PHACTR2: variants seen among roughly 807,000 people sequenced by gnomAD.
PHACTR2 encodes the protein phosphatase and actin regulator 2.
In PHACTR2, 30 loss-of-function variants were observed where a neutral mutation model predicts 76.0. The observed-to-expected ratio is 0.39, with a 90% CI of 0.30 to 0.54. The LOEUF (loss-of-function observed/expected upper bound fraction) is 0.54. Ranked by LOEUF, PHACTR2 falls within the 20% of genes least tolerant of loss-of-function variation. PHACTR2 has a pLI of 0.61. For missense variants in PHACTR2, 696 were observed against 781.1 expected (o/e 0.89, Z 1.30); for synonymous variants, 292 against 292.5 (o/e 1.00, Z 0.02).
chr6:143,649,513 C>G (rs1261476106), intron 1 of PHACTR2, among the ~76,000 whole-genome samples: 2 of 152,176 alleles, frequency 1.3e-5, no homozygotes, highest in East Asian at 3.8e-4. Flanking sequence ...TAGGCTTCAT[C>G]CTCAGGATGC....
At chr6:143,665,923 G>T (rs892764578) in intron 1 of PHACTR2, among the ~76,000 whole-genome samples, 1 of 152,120 alleles carries the variant, frequency 6.6e-6, no homozygotes, top group African/African-American at 2.4e-5. Flanking sequence ...TGCAGAATGT[G>T]CAGGTTTGTT....
rs999409175 is a variant in PHACTR2 at position 143,646,994 on chromosome 6, A to T, written c.13+38672A>T. ...TTGCTTCTAAAGAATTTTAAAATGTATTTTTAGCAAGGCTCTAAAGATTAA... is the reference window on the plus strand; with the variant it reads ...TTGCTTCTAAAGAATTTTAAAATGTTTTTTTAGCAAGGCTCTAAAGATTAA... On this transcript the variant is annotated intron_variant, in intron 1 of 11. Transcript: ENST00000305766. The surrounding 1 kb of genome is among the most constrained non-coding windows in gnomAD (Gnocchi z 4.1). 1.3e-5 allele frequency among the ~76,000 whole-genome samples: 2 copies of T among 152,206 alleles called. No individual in the cohort carries two copies. Among genetic ancestry groups the T allele is most frequent in the Admixed American group, 6.5e-5 (1 of 15,282 alleles).
chr6:143,776,275 G>T lies in PHACTR2; in HGVS notation c.1590-1053G>T, dbSNP rs1292574139. Among the ~76,000 whole-genome samples the T allele has an allele frequency of 6.6e-6, 1 of 152,098 alleles. No homozygotes were observed. On this transcript the variant is annotated intron_variant, in intron 8 of 12. Coordinates refer to ENST00000440869, the MANE Select transcript of PHACTR2 (RefSeq NM_001100164.2). This position sits in a 1 kb window ranked among gnomAD's most constrained non-coding sequence, Gnocchi z 5.3. ...TCACAATTATTTGTGGTGAAGAAAA[G>T]GTATAAATTGTAGGAAAGATATACT...
At position 143,756,453 on chromosome 6, in the gene PHACTR2, T is replaced by G. The variant is rs374845841; in HGVS notation, c.454+2541T>G. 6.0e-4 allele frequency among the ~76,000 whole-genome samples: 91 copies of G among 152,126 alleles called. No individual in the cohort carries two copies. In the East Asian group the frequency reaches 0.012, roughly 20 times the overall value. ...GCTCACGCCTGTAATCCCAGCACTT[T>G]GGGAGGCCGAGGCGGGCGGATCACG... On this transcript the variant is annotated intron_variant, in intron 4 of 12. Transcript: ENST00000440869.
chr6:143,644,031 A>G (rs755901011), intron 1 of PHACTR2, among the ~76,000 whole-genome samples: 5 of 152,224 alleles, frequency 3.3e-5, no homozygotes, highest in Admixed American at 6.5e-5. Context: ...TTAAAAAAGT[A>G]ACTCAACAGA....
In PHACTR2 at chr6:143,583,124, A is replaced by G. The variant is rs946015265; in HGVS notation, c.217+45917A>G. Among the ~76,000 whole-genome samples the G allele has an allele frequency of 2.6e-5, 4 of 152,232 alleles. No individual in the cohort carries two copies. The highest frequency in any genetic ancestry group is 5.9e-5 in the Non-Finnish European group (4 of 68,046). On this transcript the variant is annotated intron_variant, in intron 1 of 11. Coordinates refer to the PHACTR2 transcript ENST00000367584. This position sits in a 1 kb window ranked among gnomAD's most constrained non-coding sequence, Gnocchi z 4.0. Reference sequence around the variant, plus strand: ...ATTTCTATTCTTGTCTTTGAATATAATGATGGGGCGACCATTCTTGCCATA... The same window carrying G: ...ATTTCTATTCTTGTCTTTGAATATAGTGATGGGGCGACCATTCTTGCCATA...
chr6:143,678,267 G>A lies in PHACTR2; in HGVS notation c.46+58G>A, dbSNP rs1777297833. ...CGCGCGGGCGCAGGGCTGGCGGCGG[G>A]GCCCCGGGGCAGGCAGGGTTAGTCG... On this transcript the variant is annotated intron_variant, in intron 1 of 12. Coordinates refer to ENST00000440869, the MANE Select transcript of PHACTR2 (RefSeq NM_001100164.2). The surrounding 1 kb of genome is among the most constrained non-coding windows in gnomAD (Gnocchi z 6.2). 7.2e-7 allele frequency: 1 copy of A among 1,389,638 alleles called. No individual in the cohort carries two copies. The highest frequency in any genetic ancestry group is 9.3e-7 in the Non-Finnish European group (1 of 1,073,000). The allele number at this position is 1,389,638 out of a possible 1,614,324, so 86.1% of individuals were successfully genotyped here. A position where few individuals can be genotyped will look rare whatever the true frequency, so the allele number is the denominator to read the frequency against.
In PHACTR2 at chr6:143,731,914, G is replaced by C. The variant is rs982859021; in HGVS notation, c.215-17071G>C. On this transcript the variant is annotated intron_variant, in intron 2 of 12. Transcript: ENST00000440869. This position sits in a 1 kb window ranked among gnomAD's most constrained non-coding sequence, Gnocchi z 4.9. The stretch of plus-strand genomic sequence containing the variant: ...TCTTTTATAGTTATAGGACCATTCA[G>C]GTGATCTCTTTTAACTTGGGTAAGT... Among the ~76,000 whole-genome samples the C allele has an allele frequency of 2.6e-5, 4 of 151,262 alleles. No individual in the cohort carries two copies. The highest frequency in any genetic ancestry group is 9.6e-5 in the African/African-American group (4 of 41,452).
rs984931866 is a variant in PHACTR2, at chr6:143,659,365, C to T, written c.13+51043C>T. On this transcript the variant is annotated intron_variant, in intron 1 of 11. Coordinates refer to the PHACTR2 transcript ENST00000305766. The surrounding 1 kb of genome is among the most constrained non-coding windows in gnomAD (Gnocchi z 5.0). The stretch of plus-strand genomic sequence containing the variant: ...CACTGTACAGCTGTATAAAAACCCT[C>T]TGCTGAGGGTGTCAGGGTCTCATGA... 1.3e-5 allele frequency among the ~76,000 whole-genome samples: 2 copies of T among 152,184 alleles called. No individual in the cohort carries two copies. The highest frequency in any genetic ancestry group is 2.1e-4 in the South Asian group (1 of 4,834).
In PHACTR2 at chr6:143,733,519, G is replaced by A. The variant is rs1778753866; in HGVS notation, c.215-15466G>A. ...TCGATTTGGAAAGTGCTGGATTTGG[G>A]GTGAGGGGTAGGGAATGACTGCTTG... On this transcript the variant is annotated intron_variant, in intron 2 of 12. Coordinates refer to ENST00000440869, the MANE Select transcript of PHACTR2 (RefSeq NM_001100164.2). The surrounding 1 kb of genome is among the most constrained non-coding windows in gnomAD (Gnocchi z 4.0). Among the ~76,000 whole-genome samples, 1 of 152,172 alleles carries A rather than the reference G, an allele frequency of 6.6e-6. No homozygotes were observed. Among genetic ancestry groups the A allele is most frequent in the Non-Finnish European group, 1.5e-5 (1 of 68,028 alleles).
intron 12 of PHACTR2, among the ~76,000 whole-genome samples, chr6:143,815,725 C>G (rs951254805): frequency 1.3e-5 from 2 of 151,934 alleles, no homozygotes; most frequent in Non-Finnish European, 2.9e-5. Flanking sequence ...AACCCTGTCT[C>G]TACTAAAAAT....
chr6:143,543,496 G>T lies in PHACTR2; in HGVS notation c.217+6289G>T, dbSNP rs1181864561. Among the ~76,000 whole-genome samples, 1 of 152,222 alleles carries T rather than the reference G, an allele frequency of 6.6e-6. No homozygotes were observed. Among genetic ancestry groups the T allele is most frequent in the African/African-American group, 2.4e-5 (1 of 41,454 alleles). ...TGATTAGTGCCCTGTCCTGGGCCTG[G>T]GGGAGAACCTAGGATGGTCGGCTAT... On this transcript the variant is annotated intron_variant, in intron 1 of 11. Coordinates refer to the PHACTR2 transcript ENST00000367584. This position sits in a 1 kb window ranked among gnomAD's most constrained non-coding sequence, Gnocchi z 4.7.
chr6:143,827,201 T>G lies in PHACTR2; in HGVS notation c.*3512T>G, dbSNP rs1237136106. 11 of 112,512 alleles carry G rather than the reference T, an allele frequency of 9.8e-5. No individual in the cohort carries two copies. Among genetic ancestry groups the G allele is most frequent in the African/African-American group, 3.7e-4 (11 of 30,048 alleles). The allele number at this position is 112,512 out of a possible 1,614,324, so 7.0% of individuals were successfully genotyped here. A position where few individuals can be genotyped will look rare whatever the true frequency, so the allele number is the denominator to read the frequency against. On this transcript the variant is annotated 3_prime_UTR_variant, in exon 13 of 13. Transcript: ENST00000440869. Reference sequence around the variant, plus strand: ...ATATATATATATATATATATATATGTATATTATATATACAGTAGCTTACAC... The same window carrying G: ...ATATATATATATATATATATATATGGATATTATATATACAGTAGCTTACAC...
Position 143,811,996 on chromosome 6 carries a change from T to A in PHACTR2, c.1922+4863T>A, listed in dbSNP as rs370457746. On this transcript the variant is annotated intron_variant, in intron 12 of 12. Coordinates refer to ENST00000440869, the MANE Select transcript of PHACTR2 (RefSeq NM_001100164.2). The surrounding 1 kb of genome is among the most constrained non-coding windows in gnomAD (Gnocchi z 4.1). ...ACACAGCAGCTCTCCTTTCCTCTTA[T>A]TAGCATGAGACATTGTCTCCTTATA... Among the ~76,000 whole-genome samples the A allele has an allele frequency of 9.8e-5, 15 of 152,306 alleles. No individual in the cohort carries two copies. In the East Asian group the frequency reaches 1.7e-3, roughly 18 times the overall value.
chr6:143,551,162 A>G (rs909714966), intron 1 of PHACTR2, among the ~76,000 whole-genome samples: 14 of 152,090 alleles, frequency 9.2e-5, no homozygotes, highest in African/African-American at 3.4e-4. Flanking sequence ...TAGAAGATGG[A>G]TATACAGCAG....
rs1223678567 is a variant in PHACTR2 at position 143,782,232 on chromosome 6, TAAAATA to T, written c.1646-972_1646-967del. 6.6e-6 allele frequency among the ~76,000 whole-genome samples: 1 copy of T among 152,040 alleles called. No individual in the cohort carries two copies. The highest frequency in any genetic ancestry group is 1.5e-5 in the Non-Finnish European group (1 of 67,974). On this transcript the variant is annotated intron_variant, in intron 9 of 12. Transcript: ENST00000440869. This position sits in a 1 kb window ranked among gnomAD's most constrained non-coding sequence, Gnocchi z 4.6. ...CAGAGCGAGAATCCGTTTCAAAAAA[TAAAATA>T]AAAATAAAAATAAATAAACAAATAG...
At chr6:143,734,257 G>A (rs1386793847) in intron 2 of PHACTR2, among the ~76,000 whole-genome samples, 1 of 152,174 alleles carries the variant, frequency 6.6e-6, no homozygotes, top group African/African-American at 2.4e-5. Flanking sequence ...TAGCCCAGCT[G>A]CACAATAAAT....
chr6:143,760,594 C>A lies in PHACTR2; in HGVS notation c.648C>A (p.Pro216=), dbSNP rs771115980. 6.2e-7 allele frequency: 1 copy of A among 1,613,954 alleles called. No homozygotes were observed. Among genetic ancestry groups the A allele is most frequent in the Non-Finnish European group, 8.5e-7 (1 of 1,179,884 alleles). ...KNTKAPGKQA[P]VPPPKPASRN... ...CCAAGGCTCCTGGTAAGCAGGCCCCCGTCCCTCCACCCAAGCCAGCAAGCC... is the reference window on the plus strand; with the variant it reads ...CCAAGGCTCCTGGTAAGCAGGCCCCAGTCCCTCCACCCAAGCCAGCAAGCC... The change falls in exon 5 of 13, where the codon CCC becomes CCA. Residue 216 remains proline (P), a synonymous_variant. Coordinates refer to ENST00000440869, the MANE Select transcript of PHACTR2 (RefSeq NM_001100164.2). The surrounding 1 kb of genome is among the most constrained non-coding windows in gnomAD (Gnocchi z 6.4).
Position 143,554,057 on chromosome 6 carries a change from G to T in PHACTR2, c.217+16850G>T, listed in dbSNP as rs896405646. ...TGAGTGAGACTGGGGATCCAGTGGC[G>T]GGGGCGCTGGGCAGAGGGGCATCAT... On this transcript the variant is annotated intron_variant, in intron 1 of 11. Coordinates refer to the PHACTR2 transcript ENST00000367584. This position sits in a 1 kb window ranked among gnomAD's most constrained non-coding sequence, Gnocchi z 5.9. 6.6e-6 allele frequency among the ~76,000 whole-genome samples: 1 copy of T among 152,142 alleles called. No homozygotes were observed. The highest frequency in any genetic ancestry group is 1.9e-4 in the East Asian group (1 of 5,186).
Sources: gnomAD v4.1 joint callset for allele counts (sites outside exome capture counted in the v4.1 genomes callset) on GRCh38, gnomAD v4.1.1 for gene constraint, Gnocchi (gnomAD v3.1) non-coding constraint, MANE v1.5 for transcripts, NCBI Gene and HGNC (gene_info 2026-07-23, HGNC 2026-07-21) for gene names.